Variants in CFAP299 observed in about 807,000 individuals in gnomAD.
The protein encoded by CFAP299 is cilia- and flagella-associated protein 299.
CFAP299 carries 21 observed loss-of-function variants against 27.0 expected under a neutral mutation model. That is an observed-to-expected ratio of 0.78 (90% confidence interval 0.55 to 1.12). CFAP299 has a LOEUF of 1.12. Among genes scored for constraint, CFAP299 ranks in the 50% most tolerant of loss-of-function variants. The probability of loss-of-function intolerance (pLI) is 0.00; values close to 1 mark genes in which losing one functional copy is unlikely to be tolerated. For missense variants in CFAP299, 310 were observed against 276.6 expected (o/e 1.12, Z -0.86); for synonymous variants, 104 against 98.1 (o/e 1.06, Z -0.36).
intron 2 of CFAP299, among the ~76,000 whole-genome samples, chr4:80,408,954 G>A (rs1726571445): frequency 1.3e-5 from 2 of 150,732 alleles, no homozygotes; most frequent in Admixed American, 1.3e-4. Context: ...GGTGGTGTGT[G>A]CTTGTATTCC....
rs188688829 is a variant in CFAP299, at chr4:80,449,877, T to A, written c.242+86993T>A. On this transcript the variant is annotated intron_variant, in intron 2 of 5. Transcript: ENST00000358105. ...TTATTTTCTCACCAAAATGTACAAC[T>A]TCTTTCTCAAAGCTAGAAAGTTATC... Among the ~76,000 whole-genome samples, 176 of 152,236 alleles carry A rather than the reference T, an allele frequency of 1.2e-3. 1 individual carries two copies. The highest frequency in any genetic ancestry group is 4.0e-3 in the African/African-American group (166 of 41,576).
intron 3 of CFAP299, among the ~76,000 whole-genome samples, chr4:80,652,669 G>A (rs565814386): frequency 3.9e-5 from 6 of 152,184 alleles, no homozygotes; most frequent in African/African-American, 1.2e-4. Context: ...CTCAAGTCCT[G>A]GTTCCCTTCC....
intron 3 of CFAP299, among the ~76,000 whole-genome samples, chr4:80,680,494 A>T (rs753261581): frequency 4.6e-5 from 7 of 152,276 alleles, no homozygotes; most frequent in Middle Eastern, 3.4e-3. Flanking sequence ...GACACATCAG[A>T]TTAAATTATT....
At chr4:80,476,958 T>TGC (rs1491475471) in intron 2 of CFAP299, among the ~76,000 whole-genome samples, 2 of 67,400 alleles carry the variant, frequency 3.0e-5, no homozygotes, top group African/African-American at 1.5e-4. Flanking sequence ...TGTGTGCGCA[T>TGC]GCGTGTGTGT....
chr4:80,539,367 G>T (rs954120202), intron 2 of CFAP299, among the ~76,000 whole-genome samples: 1 of 152,210 alleles, frequency 6.6e-6, no homozygotes, highest in Non-Finnish European at 1.5e-5. Flanking sequence ...GAAGCACCAG[G>T]TTCGTCAGGA....
At chr4:80,477,444 C>G (rs34738400) in intron 2 of CFAP299, among the ~76,000 whole-genome samples, 65,442 of 151,910 alleles carry the variant, frequency 0.43, 16,428 homozygotes, top group African/African-American at 0.7. Flanking sequence ...AACTCTTGGT[C>G]ATTCAGTATT....
chr4:80,750,381 G>A (rs1447980040), intron 3 of CFAP299, among the ~76,000 whole-genome samples: 1 of 151,766 alleles, frequency 6.6e-6, no homozygotes, highest in Non-Finnish European at 1.5e-5. Context: ...ATAATTACTG[G>A]GTTTACAGAT....
In CFAP299 at chr4:80,651,876, G is replaced by A. The variant is rs191447938; in HGVS notation, c.333+68693G>A. Among the ~76,000 whole-genome samples the A allele has an allele frequency of 5.1e-3, 771 of 152,094 alleles. 5 individuals carry two copies. Among genetic ancestry groups the A allele is most frequent in the Middle Eastern group, 0.02 (6 of 294 alleles). On this transcript the variant is annotated intron_variant, in intron 3 of 5. Coordinates refer to ENST00000358105, the MANE Select transcript of CFAP299 (RefSeq NM_152770.3). ...CAAAGAGCTTATGTGAAGAGTTCAC[G>A]TGTTTATGAATTAGAGGAATCATTT...
chr4:80,524,590 T>G (rs1012529877), intron 2 of CFAP299, among the ~76,000 whole-genome samples: 3 of 152,090 alleles, frequency 2.0e-5, no homozygotes, highest in Admixed American at 6.6e-5. Context: ...AATTGACATC[T>G]CCTCTTGGGT....
At chr4:80,701,450 T>C (rs1340524213) in intron 3 of CFAP299, among the ~76,000 whole-genome samples, 2 of 152,100 alleles carry the variant, frequency 1.3e-5, no homozygotes, top group Admixed American at 1.3e-4. Flanking sequence ...AAGACTCTTT[T>C]GGCAAGGAGT....
intron 3 of CFAP299, among the ~76,000 whole-genome samples, chr4:80,648,062 A>G (rs1421860673): frequency 6.6e-6 from 1 of 152,194 alleles, no homozygotes; most frequent in African/African-American, 2.4e-5. Context: ...CTGTCTCCAA[A>G]AAAAGGAAAA....
chr4:80,908,728 A>C (rs1251023039), intron 4 of CFAP299, among the ~76,000 whole-genome samples: 1 of 152,192 alleles, frequency 6.6e-6, no homozygotes, highest in Admixed American at 6.6e-5. Flanking sequence ...TTCAATTGTT[A>C]ATAGATATAA....
At chr4:80,568,653 C>T (rs745467369) in intron 2 of CFAP299, among the ~76,000 whole-genome samples, 9 of 151,884 alleles carry the variant, frequency 5.9e-5, no homozygotes, top group African/African-American at 1.9e-4. Flanking sequence ...CTGCAGACTA[C>T]GTTGAAATAT....
At chr4:80,730,547 A>T (rs541758643) in intron 3 of CFAP299, among the ~76,000 whole-genome samples, 1 of 151,584 alleles carries the variant, frequency 6.6e-6, no homozygotes, top group African/African-American at 2.4e-5. Flanking sequence ...AAAAAGTTTC[A>T]TTCAAAACAA....
In CFAP299 at chr4:80,729,331, C is replaced by T. The variant is rs891534927; in HGVS notation, c.334-140662C>T. The stretch of plus-strand genomic sequence containing the variant: ...GATAGGCAGCCTCTAAGATGGCTCT[C>T]AATGATCCACACCTCCTACTATTCA... On this transcript the variant is annotated intron_variant, in intron 3 of 5. Coordinates refer to ENST00000358105, the MANE Select transcript of CFAP299 (RefSeq NM_152770.3). Among the ~76,000 whole-genome samples, 8 of 152,296 alleles carry T rather than the reference C, an allele frequency of 5.3e-5. No homozygotes were observed. The East Asian group carries it at 1.5e-3, about 29-fold the overall frequency.
At chr4:80,939,121 G>A (rs1737067804) in intron 4 of CFAP299, among the ~76,000 whole-genome samples, 3 of 152,022 alleles carry the variant, frequency 2.0e-5, no homozygotes, top group Admixed American at 6.6e-5. Flanking sequence ...TTGACTTTTG[G>A]CAATTTGATT....
rs372702408 is a variant in CFAP299 at position 80,933,852 on chromosome 4, A to G, written c.477-10958A>G. On this transcript the variant is annotated intron_variant, in intron 4 of 5. Transcript: ENST00000358105. ...GTCAAGTCAGTAAGGGTTTCTGTAT[A>G]TAAGATGATATCATTTGCAAACAGA... is the stretch of plus-strand genomic sequence containing the variant. Among the ~76,000 whole-genome samples, 616 of 152,292 alleles carry G rather than the reference A, an allele frequency of 4.0e-3. 1 individual carries two copies. The highest frequency in any genetic ancestry group is 0.014 in the Middle Eastern group (4 of 294).
intron 3 of CFAP299, among the ~76,000 whole-genome samples, chr4:80,819,615 A>G (rs1729596341): frequency 6.6e-6 from 1 of 152,192 alleles, no homozygotes; most frequent in South Asian, 2.1e-4. Flanking sequence ...GGGAAGCAAT[A>G]GATTTATTCA....
chr4:80,515,086 AT>A (rs1732516275), intron 2 of CFAP299, among the ~76,000 whole-genome samples: 1 of 152,140 alleles, frequency 6.6e-6, no homozygotes, highest in Non-Finnish European at 1.5e-5. Context: ...GCATGCAGAA[AT>A]TTTAGCATCT....
Sources: gnomAD v4.1 joint callset for allele counts (sites outside exome capture counted in the v4.1 genomes callset) on GRCh38, gnomAD v4.1.1 for gene constraint, MANE v1.5 for transcripts, NCBI Gene and HGNC (gene_info 2026-07-23, HGNC 2026-07-21) for gene names.